Variants in CENPM observed in about 807,000 individuals in gnomAD.
CENPM encodes the protein centromere protein M, also known as interphase centromere complex protein 39.
Under a neutral mutation model 19.6 loss-of-function variants are expected in CENPM, and 14 were observed. The ratio of observed to expected loss-of-function variants is 0.71; its 90% confidence interval spans 0.47 to 1.11. The LOEUF (loss-of-function observed/expected upper bound fraction) is 1.11. Ranked by LOEUF, CENPM falls within the 50% of genes most tolerant of loss-of-function variation. The pLI is 0.00. For missense variants in CENPM, 239 were observed against 228.4 expected (o/e 1.05, Z -0.30); for synonymous variants, 114 against 101.5 (o/e 1.12, Z -0.74).
chr22:41,935,470 G>T (rs992617087), downstream of CENPM, among the ~76,000 whole-genome samples: 2 of 152,138 alleles, frequency 1.3e-5, no homozygotes, highest in East Asian at 3.9e-4. Context: ...GGACAGAAGG[G>T]CCAAAGACAA....
intron 2 of CENPM, 89 bp from the exon 3 acceptor site, chr22:41,946,094 G>A (rs2077798202): frequency 8.6e-7 from 1 of 1,168,830 alleles, no homozygotes; most frequent in Non-Finnish European, 1.2e-6. Context: ...GAAAGAGGCC[G>A]TCAAGGGCTC....
In CENPM at chr22:41,946,549, G is replaced by T. The variant is rs899885100; in HGVS notation, c.58-53C>A. The T allele has an allele frequency of 2.6e-6, 4 of 1,510,334 alleles. No homozygotes were observed. The African/African-American group carries it at 5.5e-5, about 21-fold the overall frequency. 93.6% of individuals were successfully genotyped at this position (1,510,334 alleles called of 1,614,324 possible). On this transcript the variant is annotated intron_variant, in intron 1 of 5. Transcript: ENST00000215980. ...GAGCCCTAGGCACAGCACCCCCTGG[G>T]GAGGGCCTGGCCCTTCGACCCACTC...
chr22:41,935,352 G>T (rs1178599031), downstream of CENPM, among the ~76,000 whole-genome samples: 1 of 152,096 alleles, frequency 6.6e-6, no homozygotes, highest in Non-Finnish European at 1.5e-5. Flanking sequence ...GATCAGGCAG[G>T]CTGCATCCAC....
intron 4 of CENPM, among the ~76,000 whole-genome samples, chr22:41,944,017 A>G (rs1349667571): frequency 6.6e-6 from 1 of 152,238 alleles, no homozygotes; most frequent in East Asian, 1.9e-4. Context: ...AGGAGCTAAC[A>G]GTTCAGCTGG....
the CENPM span, among the ~76,000 whole-genome samples, chr22:41,933,285 G>A: frequency 1.3e-5 from 2 of 151,748 alleles, no homozygotes; most frequent in Non-Finnish European, 1.5e-5. Context: ...GGCCCGCCAG[G>A]CAGCCCCTGA....
intron 5 of CENPM, chr22:41,940,030 C>T (rs1426567662): frequency 3.0e-6 from 2 of 662,580 alleles, no homozygotes; most frequent in Non-Finnish European, 5.6e-6. Context: ...CCAAGCCCTC[C>T]AGCAGCTCCC....
intron 4 of CENPM, 127 bp from the exon 5 acceptor site, chr22:41,943,828 A>G (rs190871873): frequency 6.8e-5 from 51 of 747,404 alleles, no homozygotes; most frequent in Middle Eastern, 3.1e-4. Context: ...CGAGGGTGAC[A>G]GTCCTATTCT....
the CENPM span, among the ~76,000 whole-genome samples, chr22:41,931,593 T>G: frequency 6.6e-6 from 1 of 152,224 alleles, no homozygotes; most frequent in Non-Finnish European, 1.5e-5. Flanking sequence ...CACAAGGATC[T>G]GATGCAGGTA....
the CENPM span, among the ~76,000 whole-genome samples, chr22:41,929,297 C>A: frequency 6.6e-6 from 1 of 152,114 alleles, no homozygotes; most frequent in Non-Finnish European, 1.5e-5. Flanking sequence ...TGGTATTACC[C>A]ATTAGTGAGG....
chr22:41,946,519 CAGTCGA>C lies in CENPM; in HGVS notation c.58-29_58-24del, dbSNP rs781101643. On this transcript the variant is annotated intron_variant, in intron 1 of 5. Transcript: ENST00000215980. ...CAGCTGCGCAGGGAGAGAGAGCGGA[CAGTCGA>C]GCCCTAGGCACAGCACCCCCTGGGG... 1.9e-6 allele frequency: 3 copies of C among 1,607,628 alleles called. No individual in the cohort carries two copies. In the East Asian group the frequency reaches 6.7e-5, roughly 36 times the overall value.
At chr22:41,936,631 G>A (rs2077685016), downstream of CENPM, among the ~76,000 whole-genome samples, 3 of 152,190 alleles carry the variant, frequency 2.0e-5, no homozygotes. Context: ...TGACATCAAA[G>A]CAGAGAGGCC....
chr22:41,943,031 G>C (rs911856277), intron 5 of CENPM, among the ~76,000 whole-genome samples: 1 of 152,076 alleles, frequency 6.6e-6, no homozygotes, highest in African/African-American at 2.4e-5. Context: ...GATCCAGTTG[G>C]GGCAGAATTC....
rs75359598 is a variant in CENPM at position 41,945,693 on chromosome 22, C to G, written c.230+220G>C. On this transcript the variant is annotated intron_variant, in intron 3 of 5. Transcript: ENST00000215980. Reference sequence around the variant, plus strand: ...TCGGGCAATCTGCCCACCTTGGCCTCCCAAAGTGCTGGGATTACAGGTGTG... The same window carrying G: ...TCGGGCAATCTGCCCACCTTGGCCTGCCAAAGTGCTGGGATTACAGGTGTG... 5.4e-4 allele frequency among the ~76,000 whole-genome samples: 82 copies of G among 152,250 alleles called. 1 individual carries two copies. In the East Asian group the frequency reaches 0.014, roughly 26 times the overall value.
the CENPM span, among the ~76,000 whole-genome samples, chr22:41,931,865 GC>G: frequency 6.6e-6 from 1 of 152,240 alleles, no homozygotes; most frequent in Non-Finnish European, 1.5e-5. Flanking sequence ...CTGCTCTGGG[GC>G]CTGGGATGCA....
the CENPM span, among the ~76,000 whole-genome samples, chr22:41,932,813 C>G: frequency 6.6e-5 from 10 of 152,328 alleles, no homozygotes; most frequent in South Asian, 6.2e-4. This position sits in a 1 kb window ranked among gnomAD's most constrained non-coding sequence, Gnocchi z 4.3. Flanking sequence ...ATTCAGGGTA[C>G]CACGCAGGAA....
the CENPM span, among the ~76,000 whole-genome samples, chr22:41,929,396 C>T: frequency 6.6e-6 from 1 of 152,250 alleles, no homozygotes; most frequent in African/African-American, 2.4e-5. Context: ...AACCCAGGAA[C>T]GGGGAACCTG....
downstream of CENPM, among the ~76,000 whole-genome samples, chr22:41,934,257 G>A (rs923183511): frequency 1.5e-4 from 23 of 152,206 alleles, no homozygotes; most frequent in African/African-American, 5.6e-4. Flanking sequence ...ATTGAGGCCA[G>A]GACACTCGGG....
At chr22:41,927,663 C>T in the CENPM span, among the ~76,000 whole-genome samples, 1 of 152,076 alleles carries the variant, frequency 6.6e-6, no homozygotes, top group Non-Finnish European at 1.5e-5. Context: ...CCATGCCCGG[C>T]TAATTTTTGT....
intron 1 of CENPM, 31 bp downstream of exon 1, chr22:41,946,989 C>G (rs780880430): frequency 6.2e-7 from 1 of 1,610,476 alleles, no homozygotes; most frequent in African/African-American, 1.3e-5. Context: ...GAGGAAAAAC[C>G]GGCGGGGGAA....
Sources: allele counts gnomAD v4.1 joint callset (sites outside exome capture counted in the v4.1 genomes callset), GRCh38; gene constraint gnomAD v4.1.1; non-coding constraint Gnocchi (gnomAD v3.1); transcripts MANE v1.5; gene names NCBI Gene and HGNC (gene_info 2026-07-23, HGNC 2026-07-21).